FBXW11: variants seen among roughly 807,000 people sequenced by gnomAD.
The protein encoded by FBXW11 is F-box/WD repeat-containing protein 11.
Under a neutral mutation model 77.6 loss-of-function variants are expected in FBXW11, and 19 were observed. The observed-to-expected ratio is 0.24, with a 90% CI of 0.17 to 0.36. The LOEUF is 0.36. Among genes scored for constraint, FBXW11 ranks in the 10% least tolerant of loss-of-function variants. The pLI, the probability that FBXW11 is intolerant of heterozygous loss-of-function variation, is 1.00. For synonymous variants in FBXW11, 235 were observed against 249.4 expected, an observed-to-expected ratio of 0.94 and a Z score of 0.54; for missense variants, 334 against 704.2, an observed-to-expected ratio of 0.47 and a Z score of 5.95.
At position 171,899,037 on chromosome 5, in the gene FBXW11, C is replaced by T. The variant is rs759682946; in HGVS notation, c.681G>A (p.Arg227=). ...PTDGPPNSFY[R]SLYPKIIQDI... ...CCTGGATAATCTTTGGGTATAATGA[C>T]CTATAAAATGAATTTGGAGGGCCAT... Residue 227 remains arginine, a synonymous_variant, in exon 6 of 14, where the codon AGG becomes AGA. Transcript: ENST00000517395. 37 of 1,608,440 alleles carry T rather than the reference C, an allele frequency of 2.3e-5. No individual in the cohort carries two copies. Among genetic ancestry groups the T allele is most frequent in the Non-Finnish European group, 2.8e-5 (33 of 1,177,784 alleles).
At chr5:171,987,344 G>A (rs920177581) in intron 1 of FBXW11, among the ~76,000 whole-genome samples, 4 of 152,090 alleles carry the variant, frequency 2.6e-5, no homozygotes, top group African/African-American at 4.8e-5. Context: ...TCTGCAAACC[G>A]TTGTTCACTT....
intron 2 of FBXW11, among the ~76,000 whole-genome samples, chr5:171,925,766 T>C (rs1031968388): frequency 2.6e-5 from 4 of 152,236 alleles, no homozygotes; most frequent in African/African-American, 9.6e-5. Flanking sequence ...TTTCCAGTCA[T>C]GTAGTGATTA....
chr5:171,919,798 T>C (rs1475543919), intron 2 of FBXW11, among the ~76,000 whole-genome samples: 2 of 152,164 alleles, frequency 1.3e-5, no homozygotes, highest in Non-Finnish European at 2.9e-5. Context: ...GCATATATAT[T>C]ATAGCTATTT....
intron 1 of FBXW11, among the ~76,000 whole-genome samples, chr5:171,967,579 C>T (rs561656408): frequency 2.2e-4 from 33 of 152,222 alleles, no homozygotes; most frequent in Admixed American, 5.9e-4. Flanking sequence ...GTGGCTCATG[C>T]CTGTAATCCC....
chr5:171,929,618 G>A lies in FBXW11; in HGVS notation c.148-15213C>T, dbSNP rs192157545. Among the ~76,000 whole-genome samples the A allele has an allele frequency of 5.9e-5, 9 of 152,202 alleles. No individual in the cohort carries two copies. The South Asian group carries it at 6.2e-4, about 11-fold the overall frequency. ...TGTAATCCTAGCACTTTGGGAGGCCGAGGTGGGCAGATCACGAGGTCAGGA... is the reference window on the plus strand; with the variant it reads ...TGTAATCCTAGCACTTTGGGAGGCCAAGGTGGGCAGATCACGAGGTCAGGA... On this transcript the variant is annotated intron_variant, in intron 2 of 13. Coordinates refer to ENST00000517395, the MANE Select transcript of FBXW11 (RefSeq NM_001378974.1).
At chr5:171,879,506 G>A (rs1001118397) in intron 7 of FBXW11, among the ~76,000 whole-genome samples, 13 of 152,300 alleles carry the variant, frequency 8.5e-5, no homozygotes, top group African/African-American at 2.6e-4. Flanking sequence ...GTTTAGTTTC[G>A]TAAGAATGCC....
At chr5:171,871,394 G>A (rs1232424870) in intron 10 of FBXW11, among the ~76,000 whole-genome samples, 1 of 152,198 alleles carries the variant, frequency 6.6e-6, no homozygotes, top group African/African-American at 2.4e-5. Context: ...ACTGAGGTTA[G>A]AACTGGCGGA....
At chr5:171,929,325 G>C (rs529040290) in intron 2 of FBXW11, among the ~76,000 whole-genome samples, 1 of 151,906 alleles carries the variant, frequency 6.6e-6, no homozygotes, top group Non-Finnish European at 1.5e-5. Flanking sequence ...AGCCAAGATC[G>C]CACCACTGCA....
intron 1 of FBXW11, chr5:172,003,181 A>C (rs1055541105): frequency 6.6e-6 from 1 of 152,162 alleles, no homozygotes; most frequent in African/African-American, 2.4e-5. Flanking sequence ...ATTCACTCAC[A>C]CCCGTGGAGG....
At chr5:171,969,540 A>G (rs1764407374) in intron 1 of FBXW11, among the ~76,000 whole-genome samples, 1 of 152,222 alleles carries the variant, frequency 6.6e-6, no homozygotes, top group South Asian at 2.1e-4. Flanking sequence ...TCAAAACTAT[A>G]TATTCTGGTA....
intron 7 of FBXW11, among the ~76,000 whole-genome samples, chr5:171,890,643 A>T (rs537208608): frequency 2.0e-5 from 3 of 152,172 alleles, no homozygotes; most frequent in African/African-American, 7.2e-5. Flanking sequence ...TGAACTAAAA[A>T]TTTATGTTCC....
chr5:171,967,432 G>A (rs1256465952), intron 1 of FBXW11, among the ~76,000 whole-genome samples: 3 of 152,146 alleles, frequency 2.0e-5, no homozygotes, highest in African/African-American at 7.2e-5. Context: ...ACTAAAGGAA[G>A]TTTAATGCAT....
chr5:171,976,566 T>G (rs1408164905), intron 1 of FBXW11, among the ~76,000 whole-genome samples: 1 of 152,104 alleles, frequency 6.6e-6, no homozygotes, highest in Non-Finnish European at 1.5e-5. Context: ...TCATGAGGGC[T>G]CCACTCTCAT....
At chr5:171,962,695 C>T (rs899169791) in intron 1 of FBXW11, among the ~76,000 whole-genome samples, 3 of 152,148 alleles carry the variant, frequency 2.0e-5, no homozygotes, top group African/African-American at 7.2e-5. Context: ...GTCCTAGGCT[C>T]TCTTCCTATT....
At chr5:171,934,365 G>A (rs1762365215) in intron 2 of FBXW11, among the ~76,000 whole-genome samples, 1 of 152,052 alleles carries the variant, frequency 6.6e-6, no homozygotes, top group Non-Finnish European at 1.5e-5. Flanking sequence ...AACAGATAAA[G>A]CAAATGAAAA....
intron 1 of FBXW11, among the ~76,000 whole-genome samples, chr5:171,989,485 T>G (rs756326374): frequency 6.6e-6 from 1 of 152,232 alleles, no homozygotes; most frequent in Non-Finnish European, 1.5e-5. Flanking sequence ...CTCGTCAAAA[T>G]GTTTAACCTG....
In FBXW11 at chr5:171,910,561, A is replaced by T; in HGVS notation, c.436+11T>A. 1 of 1,603,482 alleles carries T rather than the reference A, an allele frequency of 6.2e-7. No individual in the cohort carries two copies. The highest frequency in any genetic ancestry group is 2.2e-5 in the East Asian group (1 of 44,704). On this transcript the variant is annotated intron_variant, in intron 4 of 13. Transcript: ENST00000517395. Reference sequence around the variant, plus strand: ...CAACTGCTCAGCTTTTGAAAAGACAAGTACAGTTACCTGGTAAAGCGGTAA... The same window carrying T: ...CAACTGCTCAGCTTTTGAAAAGACATGTACAGTTACCTGGTAAAGCGGTAA...
intron 4 of FBXW11, among the ~76,000 whole-genome samples, chr5:171,901,920 T>A (rs1760143509): frequency 1.3e-5 from 2 of 152,148 alleles, no homozygotes; most frequent in South Asian, 4.1e-4. Flanking sequence ...TGGGCTAAAG[T>A]ACTAAGGCAA....
intron 4 of FBXW11, among the ~76,000 whole-genome samples, chr5:171,905,595 C>CG (rs1269349290): frequency 2.0e-5 from 2 of 101,136 alleles, no homozygotes; most frequent in Admixed American, 1.9e-4. Context: ...GCTAACCCCC[C>CG]CCCCTTTATT....
Sources: allele counts gnomAD v4.1 joint callset (sites outside exome capture counted in the v4.1 genomes callset), GRCh38; gene constraint gnomAD v4.1.1; transcripts MANE v1.5; gene names NCBI Gene and HGNC (gene_info 2026-07-23, HGNC 2026-07-21).